The following LAMB3 variants were observed in gnomAD, a reference collection of about 807,000 sequenced individuals.
LAMB3 encodes laminin subunit beta-3.
LAMB3 carries 104 observed loss-of-function variants against 140.3 expected under a neutral mutation model. The observed-to-expected ratio is 0.74, with a 90% CI of 0.63 to 0.87. LAMB3 has a LOEUF of 0.87. LAMB3 is among the 40% of genes least tolerant of loss of function. The pLI is 0.00. For missense variants in LAMB3, 1,531 were observed against 1,575.2 expected, an observed-to-expected ratio of 0.97 and a Z score of 0.47; for synonymous variants, 592 against 602.9, an observed-to-expected ratio of 0.98 and a Z score of 0.26.
chr1:209,631,576 T>C (rs970333380), intron 8 of LAMB3, among the ~76,000 whole-genome samples: 1 of 152,176 alleles, frequency 6.6e-6, no homozygotes, highest in African/African-American at 2.4e-5. Flanking sequence ...CAATTCACTC[T>C]GAATCTCAGG....
chr1:209,623,258 C>A lies in LAMB3; in HGVS notation c.2359-79G>T. The A allele has an allele frequency of 1.4e-6, 2 of 1,395,950 alleles. No individual in the cohort carries two copies. The highest frequency in any genetic ancestry group is 2.0e-6 in the Non-Finnish European group (2 of 993,060). 86.5% of individuals were successfully genotyped at this position (1,395,950 alleles called of 1,614,324 possible). On this transcript the variant is annotated intron_variant, in intron 16 of 22. Coordinates refer to ENST00000356082, the MANE Select transcript of LAMB3 (RefSeq NM_000228.3). This position sits in a 1 kb window ranked among gnomAD's most constrained non-coding sequence, Gnocchi z 4.2. ...TCCCACCCCACACCTGGGAAACCAA[C>A]AGCCAGACATCTCCATGACAACCAA...
At chr1:209,644,507 G>A (rs1317130948) in intron 3 of LAMB3, among the ~76,000 whole-genome samples, 1 of 152,058 alleles carries the variant, frequency 6.6e-6, no homozygotes, top group East Asian at 1.9e-4. Context: ...AAAGTGATAA[G>A]TTAAGAAATG....
rs1442453573 is a variant in LAMB3 at position 209,622,966 on chromosome 1, C to G, written c.2556+16G>C. On this transcript the variant is annotated intron_variant, in intron 17 of 22. Coordinates refer to ENST00000356082, the MANE Select transcript of LAMB3 (RefSeq NM_000228.3). Reference sequence around the variant, plus strand: ...CCTCCTCCTACCTGTGCCCACCCCGCCTCGGCTGCACTTACCATCTGCCTG... The same window carrying G: ...CCTCCTCCTACCTGTGCCCACCCCGGCTCGGCTGCACTTACCATCTGCCTG... The G allele has an allele frequency of 2.5e-6, 4 of 1,612,206 alleles. No individual in the cohort carries two copies. The highest frequency in any genetic ancestry group is 2.5e-6 in the Non-Finnish European group (3 of 1,179,826).
rs555968482 is a variant in LAMB3 at position 209,629,540 on chromosome 1, T to C, written c.1132+197A>G. On this transcript the variant is annotated intron_variant, in intron 10 of 22. Coordinates refer to ENST00000356082, the MANE Select transcript of LAMB3 (RefSeq NM_000228.3). ...GCCTAACTCTTGATTGATTGTCTGA[T>C]TGATGGTCCAGAGAGGTTAAGTGAC... Among the ~76,000 whole-genome samples the C allele has an allele frequency of 4.6e-5, 7 of 152,324 alleles. 1 individual carries two copies. Among genetic ancestry groups the C allele is most frequent in the South Asian group, 4.1e-4 (2 of 4,820 alleles).
At chr1:209,635,488 C>T (rs753705336) in intron 5 of LAMB3, among the ~76,000 whole-genome samples, 2 of 152,144 alleles carry the variant, frequency 1.3e-5, no homozygotes, top group Admixed American at 6.5e-5. Flanking sequence ...CTGCAACCTC[C>T]GCCTCCTAGG....
In LAMB3 at chr1:209,628,030, C is replaced by T. The variant is rs1206590911; in HGVS notation, c.1288+5G>A. On this transcript the variant is annotated splice_donor_5th_base_variant and intron_variant, in intron 11 of 22. Transcript: ENST00000356082. ...ACGTCATGCTGGGCCAAGCCCCCTA[C>T]TCACGGTGGCAGCCCTGCGGGTTGG... The T allele has an allele frequency of 6.3e-7, 1 of 1,599,938 alleles. No homozygotes were observed.
At position 209,630,827 on chromosome 1, in the gene LAMB3, A is replaced by G; in HGVS notation, c.823-92T>C. 4 of 1,447,534 alleles carry G rather than the reference A, an allele frequency of 2.8e-6. No homozygotes were observed. In the South Asian group the frequency reaches 4.7e-5, roughly 17 times the overall value. The allele number at this position is 1,447,534 out of a possible 1,614,324, so 89.7% of individuals were successfully genotyped here. On this transcript the variant is annotated intron_variant, in intron 8 of 22. Transcript: ENST00000356082. ...ACTGCCCTCTGACCCTCTGCGCACC[A>G]CTCAGGATCTGGCTTAGATCCCAAC...
rs753412479 is a variant in LAMB3 at position 209,626,942 on chromosome 1, C to T, written c.1522G>A (p.Gly508Ser). Residue 508 changes from glycine to serine, a missense_variant, in exon 13 of 23, where the codon GGC becomes AGC. Physicochemically the swap from Gly to Ser is moderately conservative, Grantham distance 56 (BLOSUM62 0). Transcript: ENST00000356082. ...ATGGCTGCAGCGCTGCACATCAGGCCACCAAAGCCTTCCCGACAGGGGCAC... is the reference window on the plus strand; with the variant it reads ...ATGGCTGCAGCGCTGCACATCAGGCTACCAAAGCCTTCCCGACAGGGGCAC... ...GQCPCREGFG[G>S]LMCSAAAIRQ... The T allele has an allele frequency of 2.4e-5, 38 of 1,613,696 alleles. No individual in the cohort carries two copies. Among genetic ancestry groups the T allele is most frequent in the Middle Eastern group, 1.6e-4 (1 of 6,084 alleles).
At position 209,625,861 on chromosome 1, in the gene LAMB3, T is replaced by C. The variant is rs750534260; in HGVS notation, c.1763A>G (p.Tyr588Cys). 3 of 1,614,084 alleles carry C rather than the reference T, an allele frequency of 1.9e-6. No homozygotes were observed. Among genetic ancestry groups the C allele is most frequent in the Non-Finnish European group, 2.5e-6 (3 of 1,179,994 alleles). Residue 588 changes from tyrosine (Y) to cysteine (C), a missense_variant, in exon 14 of 23, where the codon TAT becomes TGT. Physicochemically the swap from Tyr to Cys is radical, Grantham distance 194 (BLOSUM62 -2). Coordinates refer to ENST00000356082, the MANE Select transcript of LAMB3 (RefSeq NM_000228.3). Reference protein sequence around the residue: ...CVACHPCFQTYDADLREQALR... With the variant: ...CVACHPCFQTCDADLREQALR... ...GGCCTGCTCCCGGAGGTCCGCATCATAGGTCTGGAAGCAAGGGTGGCAGGC... is the reference window on the plus strand; with the variant it reads ...GGCCTGCTCCCGGAGGTCCGCATCACAGGTCTGGAAGCAAGGGTGGCAGGC...
Position 209,616,595 on chromosome 1 carries a change from A to T in LAMB3, c.3258T>A (p.Ala1086=). The T allele has an allele frequency of 6.2e-7, 1 of 1,614,134 alleles. No homozygotes were observed. The highest frequency in any genetic ancestry group is 8.5e-7 in the Non-Finnish European group (1 of 1,180,014). ...TCTGACCCAACCGGTCCTTCAACTC[A>T]GCATACTTTTGTTTTATTCTCTCAA... is the stretch of plus-strand genomic sequence containing the variant. ...EGFERIKQKY[A]ELKDRLGQSS... The change falls in exon 22 of 23, where the codon GCT becomes GCA. Residue 1086 remains alanine (A), a synonymous_variant. Transcript: ENST00000356082.
intron 3 of LAMB3, among the ~76,000 whole-genome samples, chr1:209,644,879 G>T (rs2076502322): frequency 6.6e-6 from 1 of 152,198 alleles, no homozygotes; most frequent in African/African-American, 2.4e-5. Flanking sequence ...TGGCACCCAG[G>T]CAGGGGGTAG....
At chr1:209,641,446 A>C (rs1261122410) in intron 3 of LAMB3, among the ~76,000 whole-genome samples, 1 of 152,228 alleles carries the variant, frequency 6.6e-6, no homozygotes, top group Non-Finnish European at 1.5e-5. Flanking sequence ...TGACTTTGCT[A>C]TTGACTGATC....
intron 1 of LAMB3, chr1:209,651,535 A>G (rs1018048098): frequency 1.3e-5 from 2 of 158,736 alleles, no homozygotes; most frequent in Non-Finnish European, 2.8e-5. Flanking sequence ...CTCTGTGCCC[A>G]CAATTCTGGG....
At chr1:209,642,445 A>AT (rs1232638886) in intron 3 of LAMB3, among the ~76,000 whole-genome samples, 3 of 151,196 alleles carry the variant, frequency 2.0e-5, no homozygotes. Context: ...CTTCTCTGTT[A>AT]TTTTTTATTA....
chr1:209,639,617 A>G (rs113492731), intron 3 of LAMB3, among the ~76,000 whole-genome samples: 3,939 of 17,916 alleles, frequency 0.22, 100 homozygotes, highest in East Asian at 0.47. Context: ...GTGCATACAT[A>G]TACACATACA....
At position 209,633,087 on chromosome 1, in the gene LAMB3, T is replaced by C. The variant is rs773179112; in HGVS notation, c.611A>G (p.Gln204Arg). 3.1e-6 allele frequency: 5 copies of C among 1,612,146 alleles called. No homozygotes were observed. Among genetic ancestry groups the C allele is most frequent in the African/African-American group, 2.7e-5 (2 of 74,866 alleles). The change falls in exon 7 of 23, where the codon CAA becomes CGA. Residue 204 changes from glutamine to arginine, a missense_variant. Gln to Arg is a conservative substitution (Grantham distance 43). Coordinates refer to ENST00000356082, the MANE Select transcript of LAMB3 (RefSeq NM_000228.3). ...ACACTGACCTTGAATTTTTTGACTT[T>C]GAGTTGCTGGAATCCCAGACACTAA... ...MDLVSGIPAT[Q>R]SQKIQEVGEI...
intron 22 of LAMB3, among the ~76,000 whole-genome samples, 197 bp downstream of exon 22, chr1:209,616,274 T>C (rs1308290065): frequency 1.3e-5 from 2 of 152,192 alleles, no homozygotes; most frequent in African/African-American, 4.8e-5. Context: ...TGCAAGCTTT[T>C]TGAGGCCAGG....
chr1:209,627,341 C>G, intron 12 of LAMB3, 42 bp downstream of exon 12: 1 of 1,545,482 alleles, frequency 6.5e-7, no homozygotes, highest in Non-Finnish European at 8.9e-7. Context: ...CTCAGGACCC[C>G]CCTCCCACTG....
chr1:209,630,728 TC>T lies in LAMB3; in HGVS notation c.829del (p.Asp277MetfsTer119), dbSNP rs1289472797. On this transcript the variant is annotated frameshift_variant, in exon 9 of 23. Transcript: ENST00000356082. LOFTEE classifies it high-confidence loss of function. Reference sequence around the variant, plus strand: ...AGTGTTGTGCTGGCAGACACAGACATCGTGGACCTGGGAGGGGGACCGTCAG... The same window carrying T: ...AGTGTTGTGCTGGCAGACACAGACATGTGGACCTGGGAGGGGGACCGTCAG... Reference protein sequence around the residue: ...AGPSTAVQVHDVCVCQHNTAG... With the variant: ...AGPSTAVQVHXVCVCQHNTAG... The T allele has an allele frequency of 6.2e-7, 1 of 1,613,822 alleles. No individual in the cohort carries two copies.
Sources: allele counts gnomAD v4.1 joint callset (sites outside exome capture counted in the v4.1 genomes callset), GRCh38; gene constraint gnomAD v4.1.1; non-coding constraint Gnocchi (gnomAD v3.1); transcripts MANE v1.5; gene names NCBI Gene and HGNC (gene_info 2026-07-23, HGNC 2026-07-21).